OPCML: variants seen among roughly 807,000 people sequenced by gnomAD.
OPCML encodes opioid binding protein/cell adhesion molecule like.
Under a neutral mutation model 37.8 loss-of-function variants are expected in OPCML, and 13 were observed. The ratio of observed to expected loss-of-function variants is 0.34; its 90% CI spans 0.22 to 0.55. OPCML has a LOEUF of 0.55. Ranked by LOEUF, OPCML falls within the 20% of genes least tolerant of loss-of-function variation. The pLI is 0.91. For missense variants in OPCML, 341 were observed against 435.6 expected (o/e 0.78, Z 1.93); for synonymous variants, 176 against 168.8 (o/e 1.04, Z -0.33).
chr11:132,728,065 G>A (rs985256793), intron 2 of OPCML, among the ~76,000 whole-genome samples: 2 of 152,218 alleles, frequency 1.3e-5, no homozygotes, highest in African/African-American at 4.8e-5. Context: ...GAACAGCATG[G>A]ACGTTTGATT....
intron 4 of OPCML, among the ~76,000 whole-genome samples, chr11:132,506,263 C>T (rs530306125): frequency 1.1e-4 from 17 of 152,292 alleles, no homozygotes; most frequent in South Asian, 6.2e-4. Context: ...ATCTCTAGCA[C>T]CTAGTCCAGC....
Position 132,415,075 on chromosome 11 carries a change from G to A in OPCML, c.*5118C>T, listed in dbSNP as rs1307315177. The stretch of plus-strand genomic sequence containing the variant: ...AAAGGTTACAACTACAATGTAACAT[G>A]CACAAAATTCAGGTAGTATATTCAC... On this transcript the variant is annotated 3_prime_UTR_variant, in exon 8 of 8. Coordinates refer to ENST00000524381, the MANE Select transcript of OPCML (RefSeq NM_001012393.5). 6.6e-6 allele frequency: 1 copy of A among 152,520 alleles called. No homozygotes were observed. The highest frequency in any genetic ancestry group is 1.5e-5 in the Non-Finnish European group (1 of 68,018). The allele number at this position is 152,520 out of a possible 1,614,324, so 9.4% of individuals were successfully genotyped here.
intron 1 of OPCML, among the ~76,000 whole-genome samples, chr11:133,512,870 C>A (rs898192677): frequency 2.6e-5 from 4 of 152,202 alleles, no homozygotes; most frequent in Non-Finnish European, 5.9e-5. Context: ...ATATTAGCAG[C>A]TTTGTCCCAG....
At chr11:132,444,472 A>G (rs2096047645) in intron 4 of OPCML, among the ~76,000 whole-genome samples, 1 of 152,196 alleles carries the variant, frequency 6.6e-6, no homozygotes, top group Admixed American at 6.6e-5. Flanking sequence ...TATGGCTCAT[A>G]TAACCTGAGT....
At chr11:132,927,876 T>A (rs1945051612) in intron 2 of OPCML, among the ~76,000 whole-genome samples, 1 of 152,100 alleles carries the variant, frequency 6.6e-6, no homozygotes, top group Non-Finnish European at 1.5e-5. Context: ...TAAGTTGTTA[T>A]CAATTTAAAA....
chr11:132,570,730 C>A (rs991534418), intron 3 of OPCML, among the ~76,000 whole-genome samples: 1 of 116,906 alleles, frequency 8.6e-6, no homozygotes, highest in African/African-American at 3.2e-5. Flanking sequence ...ACTGAAAGAA[C>A]TCAGGGGAAT....
intron 1 of OPCML, among the ~76,000 whole-genome samples, chr11:133,512,661 C>T (rs1948185265): frequency 6.6e-6 from 1 of 152,180 alleles, no homozygotes. Flanking sequence ...TGAGTCCATC[C>T]AGGAGCCTAC....
intron 4 of OPCML, among the ~76,000 whole-genome samples, chr11:132,448,010 G>T (rs2096059812): frequency 6.6e-6 from 1 of 152,224 alleles, no homozygotes; most frequent in East Asian, 1.9e-4. Flanking sequence ...GCCAGCAAGG[G>T]CTCAAGGGCT....
At chr11:132,874,691 TG>T in intron 2 of OPCML, among the ~76,000 whole-genome samples, 1 of 152,126 alleles carries the variant, frequency 6.6e-6, no homozygotes, top group Non-Finnish European at 1.5e-5. Flanking sequence ...TTAGCCAAGA[TG>T]GGACTGCAAG....
intron 4 of OPCML, among the ~76,000 whole-genome samples, chr11:132,457,693 G>T (rs2136889862): frequency 6.6e-6 from 1 of 152,230 alleles, no homozygotes; most frequent in African/African-American, 2.4e-5. Context: ...CCCTTTCTCT[G>T]GTGCTGTCCA....
chr11:132,452,356 C>G (rs971903524), intron 4 of OPCML, among the ~76,000 whole-genome samples: 1 of 152,094 alleles, frequency 6.6e-6, no homozygotes, highest in Non-Finnish European at 1.5e-5. Flanking sequence ...GAAGGAGTCC[C>G]CACCAGTGGC....
At position 132,699,601 on chromosome 11, in the gene OPCML, G is replaced by A. The variant is rs190497461; in HGVS notation, c.147-42282C>T. Among the ~76,000 whole-genome samples the A allele has an allele frequency of 2.7e-4, 41 of 152,010 alleles. 1 individual carries two copies. In the South Asian group the frequency reaches 7.5e-3, roughly 28 times the overall value. ...ACCTTTTTTCTGAATCTGTTGATAC[G>A]ATCATATAACTTCTATCTTTCATTC... On this transcript the variant is annotated intron_variant, in intron 2 of 7. Transcript: ENST00000524381.
At position 132,541,538 on chromosome 11, in the gene OPCML, C is replaced by A. The variant is rs148669601; in HGVS notation, c.380-12352G>T. Among the ~76,000 whole-genome samples the A allele has an allele frequency of 5.4e-5, 8 of 147,654 alleles. No homozygotes were observed. In the South Asian group the frequency reaches 1.3e-3, roughly 24 times the overall value. ...CAGATTTTTTTTTTTTTTTTGCCAGCAACTCTCATTTATTGAGAACTTAAT... is the reference window on the plus strand; with the variant it reads ...CAGATTTTTTTTTTTTTTTTGCCAGAAACTCTCATTTATTGAGAACTTAAT... On this transcript the variant is annotated intron_variant, in intron 3 of 7. Transcript: ENST00000524381.
At chr11:132,441,569 T>C (rs1044268490) in intron 4 of OPCML, among the ~76,000 whole-genome samples, 4 of 152,190 alleles carry the variant, frequency 2.6e-5, no homozygotes, top group African/African-American at 7.2e-5. Context: ...CAAAATGTCC[T>C]GTAGTAAGAC....
intron 2 of OPCML, chr11:132,859,417 A>G (rs1384805026): frequency 2.6e-5 from 4 of 152,240 alleles, no homozygotes; most frequent in African/African-American, 9.6e-5. Context: ...AGAGGAAGAG[A>G]ATCAATTCTA....
At chr11:132,462,018 G>T (rs1416497888) in intron 4 of OPCML, among the ~76,000 whole-genome samples, 1 of 152,140 alleles carries the variant, frequency 6.6e-6, no homozygotes, top group South Asian at 2.1e-4. Context: ...ACCATATCAA[G>T]CTGTTCTGGA....
intron 2 of OPCML, among the ~76,000 whole-genome samples, chr11:132,849,309 A>G (rs957392539): frequency 2.0e-5 from 3 of 152,190 alleles, no homozygotes; most frequent in African/African-American, 4.8e-5. Flanking sequence ...GCGCTATCAT[A>G]TAAAGACACC....
At chr11:132,969,830 T>C (rs753421037) in intron 1 of OPCML, among the ~76,000 whole-genome samples, 8 of 152,310 alleles carry the variant, frequency 5.3e-5, no homozygotes, top group Non-Finnish European at 5.9e-5. Context: ...ACCTTTACAT[T>C]ATTTCATTAA....
intron 1 of OPCML, among the ~76,000 whole-genome samples, chr11:133,278,150 C>G (rs1052798628): frequency 6.6e-6 from 1 of 152,102 alleles, no homozygotes; most frequent in Non-Finnish European, 1.5e-5. Context: ...TTTAAGCCTG[C>G]TTGAATATCA....
Sources: allele counts gnomAD v4.1 joint callset (sites outside exome capture counted in the v4.1 genomes callset), GRCh38; gene constraint gnomAD v4.1.1; transcripts MANE v1.5; gene names NCBI Gene and HGNC (gene_info 2026-07-23, HGNC 2026-07-21).